Variants in ZBTB45 observed in about 807,000 individuals in gnomAD.
ZBTB45 encodes the protein zinc finger and BTB domain-containing protein 45.
A neutral mutation model predicts 28.4 loss-of-function variants in ZBTB45; 22 were observed. The ratio of observed to expected loss-of-function variants is 0.77; its 90% CI spans 0.55 to 1.10. ZBTB45 has a LOEUF of 1.10. Ranked by LOEUF, ZBTB45 falls within the 50% of genes least tolerant of loss-of-function variation. ZBTB45 has a pLI of 0.00. For missense variants in ZBTB45, 656 were observed against 750.2 expected, an observed-to-expected ratio of 0.87 and a Z score of 1.47; for synonymous variants, 361 against 332.3, an observed-to-expected ratio of 1.09 and a Z score of -0.94.
rs745525887 is a variant in ZBTB45 at position 58,514,285 on chromosome 19, C to T, written c.1305G>A (p.Val435=). Residue 435 remains valine, a synonymous_variant, in exon 3 of 3, where the codon GTG becomes GTA. Coordinates refer to ENST00000594051, the MANE Select transcript of ZBTB45 (RefSeq NM_001316979.2). Reference sequence around the variant, plus strand: ...CGCGTAGAGAGAAGGATCGCCAGCACACGGCGCACTGGTGCGGCTTCTCCC... The same window carrying T: ...CGCGTAGAGAGAAGGATCGCCAGCATACGGCGCACTGGTGCGGCTTCTCCC... The part of the protein sequence containing the change: ...HSGEKPHQCA[V]CWRSFSLRDY... 1.2e-6 allele frequency: 2 copies of T among 1,607,742 alleles called. No homozygotes were observed. The highest frequency in any genetic ancestry group is 3.3e-5 in the Admixed American group (2 of 59,882).
intron 1 of ZBTB45, among the ~76,000 whole-genome samples, chr19:58,529,450 C>T (rs2053625174): frequency 6.6e-6 from 1 of 152,158 alleles, no homozygotes; most frequent in Non-Finnish European, 1.5e-5. Flanking sequence ...TTAAAGTGAA[C>T]AACACAGTGC....
chr19:58,517,954 A>G (rs1038341851), intron 1 of ZBTB45, among the ~76,000 whole-genome samples: 1 of 151,708 alleles, frequency 6.6e-6, no homozygotes, highest in Admixed American at 6.6e-5. Flanking sequence ...TGTTGGCCTC[A>G]ATCACTGCTC....
rs1201197943 is a variant in ZBTB45, at chr19:58,514,117, G to A, written c.1473C>T (p.Cys491=). ...HRPERAPCPA[C]GKVFSHRALL... ...GCGCGCGGTGCGAGAAGACCTTGCC[G>A]CAGGCGGGGCAGGGCGCGCGCTCGG... Residue 491 remains cysteine (C), a synonymous_variant, in exon 3 of 3, where the codon TGC becomes TGT. Transcript: ENST00000594051. 1.8e-5 allele frequency: 29 copies of A among 1,598,274 alleles called. No homozygotes were observed. The highest frequency in any genetic ancestry group is 1.1e-4 in the East Asian group (5 of 44,334).
At chr19:58,523,392 A>G (rs2053588656), upstream of ZBTB45, among the ~76,000 whole-genome samples, 1 of 151,344 alleles carries the variant, frequency 6.6e-6, no homozygotes. Flanking sequence ...CTAAAAATAC[A>G]AAAATTGGCC....
chr19:58,521,855 A>C (rs1202021870), upstream of ZBTB45, among the ~76,000 whole-genome samples: 1 of 152,102 alleles, frequency 6.6e-6, no homozygotes, highest in Non-Finnish European at 1.5e-5. Flanking sequence ...GGGACTCGGC[A>C]GTGAAAGAGG....
chr19:58,534,413 G>T (rs2053649880), intron 1 of ZBTB45, among the ~76,000 whole-genome samples: 1 of 151,766 alleles, frequency 6.6e-6, no homozygotes, highest in African/African-American at 2.4e-5. Flanking sequence ...ATTATTTTTT[G>T]AGACAGAATC....
Position 58,516,335 on chromosome 19 carries a change from C to T in ZBTB45, c.1279+60G>A, listed in dbSNP as rs2053493162. 1.3e-6 allele frequency: 2 copies of T among 1,598,934 alleles called. No homozygotes were observed. Among genetic ancestry groups the T allele is most frequent in the Admixed American group, 3.4e-5 (2 of 58,998 alleles). Reference sequence around the variant, plus strand: ...GTGCCCTGTAACTAGTGCTCAATTCCCCCTCAGGTTTAACTCTCCGATGAG... The same window carrying T: ...GTGCCCTGTAACTAGTGCTCAATTCTCCCTCAGGTTTAACTCTCCGATGAG... On this transcript the variant is annotated intron_variant, in intron 2 of 2. Transcript: ENST00000594051. The surrounding 1 kb of genome is among the most constrained non-coding windows in gnomAD (Gnocchi z 6.2).
chr19:58,525,080 C>T lies in ZBTB45; in HGVS notation c.1-7407G>A, dbSNP rs116104705. On this transcript the variant is annotated intron_variant, in intron 1 of 1. Transcript: ENST00000600130. ...CTGACAGCATGGGTCAGAGAACAGACAGCTCCCACCAAGGAGTCTTCCAGA... is the reference window on the plus strand; with the variant it reads ...CTGACAGCATGGGTCAGAGAACAGATAGCTCCCACCAAGGAGTCTTCCAGA... Among the ~76,000 whole-genome samples the T allele has an allele frequency of 4.6e-3, 697 of 152,244 alleles. 3 individuals carry two copies. The highest frequency in any genetic ancestry group is 0.016 in the African/African-American group (644 of 41,544).
chr19:58,525,530 C>T (rs928348822), intron 1 of ZBTB45, among the ~76,000 whole-genome samples: 1 of 152,174 alleles, frequency 6.6e-6, no homozygotes, highest in Non-Finnish European at 1.5e-5. Flanking sequence ...CCCCTGTATA[C>T]TCCAGAAAGT....
upstream of ZBTB45, among the ~76,000 whole-genome samples, chr19:58,522,214 C>T (rs543640725): frequency 3.3e-5 from 5 of 150,370 alleles, no homozygotes; most frequent in South Asian, 8.4e-4. Flanking sequence ...CAGGCTGGAG[C>T]GCAATGGCGC....
Position 58,517,152 on chromosome 19 carries a change from G to T in ZBTB45, c.522C>A (p.Arg174=). The change falls in exon 2 of 3, where the codon CGC becomes CGA. Residue 174 remains arginine (R), a synonymous_variant. Coordinates refer to ENST00000594051, the MANE Select transcript of ZBTB45 (RefSeq NM_001316979.2). ...CTGGCAGCTGCAAACGCGCGGGCTGGCGCTGCTTACGGCTGTGTGCAGCAC... is the reference window on the plus strand; with the variant it reads ...CTGGCAGCTGCAAACGCGCGGGCTGTCGCTGCTTACGGCTGTGTGCAGCAC... The part of the protein sequence containing the change: ...HPGAAHSRKQ[R]QPARLQLPAP... The T allele has an allele frequency of 2.5e-6, 4 of 1,612,016 alleles. No homozygotes were observed. The highest frequency in any genetic ancestry group is 3.4e-6 in the Non-Finnish European group (4 of 1,179,554).
At chr19:58,530,715 G>A (rs1310105575) in intron 1 of ZBTB45, among the ~76,000 whole-genome samples, 5 of 147,248 alleles carry the variant, frequency 3.4e-5, no homozygotes, top group South Asian at 2.2e-4. Context: ...ACAGAGTCTC[G>A]CTCTGTCGCG....
At chr19:58,537,288 G>A (rs1313494830) in intron 1 of ZBTB45, among the ~76,000 whole-genome samples, 2 of 152,122 alleles carry the variant, frequency 1.3e-5, no homozygotes, top group Non-Finnish European at 2.9e-5. Context: ...GATGCTCCAA[G>A]GTCTGCTGCT....
chr19:58,520,788 G>A (rs1328810656), upstream of ZBTB45, among the ~76,000 whole-genome samples: 1 of 152,148 alleles, frequency 6.6e-6, no homozygotes, highest in Non-Finnish European at 1.5e-5. Flanking sequence ...CGGCGCAGTG[G>A]CTCATGCCTG....
In ZBTB45 at chr19:58,513,716, C is replaced by T; in HGVS notation, c.*338G>A. 1 of 264,942 alleles carries T rather than the reference C, an allele frequency of 3.8e-6. No individual in the cohort carries two copies. 16.4% of individuals were successfully genotyped at this position (264,942 alleles called of 1,614,324 possible). On this transcript the variant is annotated 3_prime_UTR_variant, in exon 3 of 3. Transcript: ENST00000594051. The stretch of plus-strand genomic sequence containing the variant: ...CAGGCAAGCGGCCCCCCAGCCCCCA[C>T]CACCACCCCAGGAGAGGGCGGGGTG...
In ZBTB45 at chr19:58,517,591, A is replaced by G. The variant is rs759676167; in HGVS notation, c.83T>C (p.Leu28Pro). 1.2e-6 allele frequency: 2 copies of G among 1,613,910 alleles called. No individual in the cohort carries two copies. The highest frequency in any genetic ancestry group is 1.7e-6 in the Non-Finnish European group (2 of 1,179,994). Residue 28 changes from leucine (L) to proline (P), a missense_variant, in exon 2 of 3, where the codon CTT becomes CCT. Around this residue, in one of 3 missense-constraint regions of ZBTB45, gnomAD observed 105 missense variants for 152.4 expected, o/e 0.69. Transcript: ENST00000594051. ...SLLETLNGQR[L>P]GGHFCDVTVR... is the part of the protein sequence containing the mutation. ...AGTCACGTCACAGAAGTGTCCCCCAAGCCTCTGCCCATTGAGGGTCTCAAG... is the reference window on the plus strand; with the variant it reads ...AGTCACGTCACAGAAGTGTCCCCCAGGCCTCTGCCCATTGAGGGTCTCAAG...
At chr19:58,525,254 G>C (rs917320844) in intron 1 of ZBTB45, among the ~76,000 whole-genome samples, 1 of 152,268 alleles carries the variant, frequency 6.6e-6, no homozygotes, top group South Asian at 2.1e-4. Context: ...CCATCCTAGT[G>C]GGTTTGGGTT....
chr19:58,523,418 T>C (rs1410643887), upstream of ZBTB45, among the ~76,000 whole-genome samples: 2 of 150,982 alleles, frequency 1.3e-5, no homozygotes, highest in East Asian at 4.0e-4. Flanking sequence ...CGGTGGCTCA[T>C]GCCTGTAATC....
chr19:58,529,433 A>G (rs914227268), intron 1 of ZBTB45, among the ~76,000 whole-genome samples: 1 of 152,154 alleles, frequency 6.6e-6, no homozygotes, highest in Non-Finnish European at 1.5e-5. Context: ...ATACACAGAT[A>G]ACCGTTTTAA....
Sources: allele counts gnomAD v4.1 joint callset (sites outside exome capture counted in the v4.1 genomes callset), GRCh38; gene constraint gnomAD v4.1.1; regional missense constraint gnomAD v4.1.1; non-coding constraint Gnocchi (gnomAD v3.1); transcripts MANE v1.5; gene names NCBI Gene and HGNC (gene_info 2026-07-23, HGNC 2026-07-21).